Variants in ARK2N observed in about 807,000 individuals in gnomAD.
The protein encoded by ARK2N is arkadia (RNF111) N-terminal like PKA signaling regulator 2N.
the ARK2N span, chr18:46,240,204 C>G: frequency 6.2e-7 from 1 of 1,613,568 alleles, no homozygotes; most frequent in Non-Finnish European, 8.5e-7. Context: ...CTTCCCCATC[C>G]CCCTTCTCTA....
At chr18:46,239,760 G>GTCT in the ARK2N span, among the ~76,000 whole-genome samples, 1 of 152,016 alleles carries the variant, frequency 6.6e-6, no homozygotes, top group Non-Finnish European at 1.5e-5. Flanking sequence ...GTTGAGTATA[G>GTCT]TCTTGTCTTC....
chr18:46,192,093 T>C, the ARK2N span, among the ~76,000 whole-genome samples: 1 of 152,198 alleles, frequency 6.6e-6, no homozygotes, highest in Non-Finnish European at 1.5e-5. Flanking sequence ...TATGTTTGCT[T>C]CCAGTTGGTT....
chr18:46,240,212 C>CT, the ARK2N span: 1 of 1,612,682 alleles, frequency 6.2e-7, no homozygotes, highest in East Asian at 2.2e-5. Context: ...TCCCCCTTCT[C>CT]TAACGGTGTA....
At chr18:46,182,130 T>C in the ARK2N span, among the ~76,000 whole-genome samples, 2 of 152,198 alleles carry the variant, frequency 1.3e-5, no homozygotes, top group African/African-American at 4.8e-5. Flanking sequence ...CAGGATTGTT[T>C]TTCTTTCTGT....
At chr18:46,253,574 T>C in the ARK2N span, 5 of 1,224,654 alleles carry the variant, frequency 4.1e-6, no homozygotes, top group Non-Finnish European at 4.5e-6. Flanking sequence ...TGTGGCAAGC[T>C]CTCACAGGGT....
chr18:46,185,634 A>G, the ARK2N span, among the ~76,000 whole-genome samples: 2 of 152,176 alleles, frequency 1.3e-5, no homozygotes, highest in Non-Finnish European at 2.9e-5. Flanking sequence ...ATCTTCATGC[A>G]TTGCAATTTG....
the ARK2N span, among the ~76,000 whole-genome samples, chr18:46,203,733 T>C: frequency 2.0e-5 from 3 of 152,210 alleles, no homozygotes; most frequent in East Asian, 3.9e-4. Flanking sequence ...ATTATAGGCA[T>C]GCACTACCAT....
chr18:46,263,127 C>T, the ARK2N span: 1 of 1,592,096 alleles, frequency 6.3e-7, no homozygotes, highest in Non-Finnish European at 8.6e-7. Context: ...AATACAATGT[C>T]ACTGTGTTTC....
At chr18:46,258,672 G>T in the ARK2N span, among the ~76,000 whole-genome samples, 1 of 152,156 alleles carries the variant, frequency 6.6e-6, no homozygotes, top group Non-Finnish European at 1.5e-5. Context: ...CACTTTGTGA[G>T]AACAAAGCCT....
At chr18:46,234,930 T>C in the ARK2N span, among the ~76,000 whole-genome samples, 1 of 152,234 alleles carries the variant, frequency 6.6e-6, no homozygotes, top group African/African-American at 2.4e-5. Flanking sequence ...TGTATATTAC[T>C]ATGGCTGCAT....
At chr18:46,221,685 C>T in the ARK2N span, among the ~76,000 whole-genome samples, 14 of 151,824 alleles carry the variant, frequency 9.2e-5, no homozygotes, top group African/African-American at 1.5e-4. Context: ...TTTCTTCTGA[C>T]GTGTTTTTTC....
chr18:46,256,044 T>C, the ARK2N span, among the ~76,000 whole-genome samples: 135 of 152,328 alleles, frequency 8.9e-4, no homozygotes, highest in African/African-American at 3.2e-3. Flanking sequence ...TCTAGACTAT[T>C]GTATTTTTAA....
chr18:46,176,162 T>G, the ARK2N span, among the ~76,000 whole-genome samples: 2 of 152,206 alleles, frequency 1.3e-5, no homozygotes, highest in African/African-American at 4.8e-5. Context: ...ACTAGTAAAT[T>G]CTGTGCGCTT....
chr18:46,209,895 A>G, the ARK2N span, among the ~76,000 whole-genome samples: 1 of 152,246 alleles, frequency 6.6e-6, no homozygotes, highest in South Asian at 2.1e-4. Flanking sequence ...TGCCTGGCCA[A>G]CAAACTGTTT....
the ARK2N span, among the ~76,000 whole-genome samples, chr18:46,234,738 G>A: frequency 6.6e-6 from 1 of 152,076 alleles, no homozygotes; most frequent in Non-Finnish European, 1.5e-5. Context: ...TAAGTATGAT[G>A]TTTACCCCTT....
chr18:46,255,984 A>G, the ARK2N span, among the ~76,000 whole-genome samples: 1 of 152,076 alleles, frequency 6.6e-6, no homozygotes, highest in East Asian at 1.9e-4. Context: ...TTATTTCACC[A>G]TTGTTGCTTA....
At chr18:46,246,711 G>A in the ARK2N span, among the ~76,000 whole-genome samples, 1 of 136,902 alleles carries the variant, frequency 7.3e-6, no homozygotes, top group African/African-American at 2.7e-5. Flanking sequence ...GGGAGGCCGA[G>A]GCGGGTAGAT....
chr18:46,187,565 C>T, the ARK2N span, among the ~76,000 whole-genome samples: 2 of 152,098 alleles, frequency 1.3e-5, no homozygotes, highest in Admixed American at 1.3e-4. Flanking sequence ...TGGTCTTGAA[C>T]TCCCTACCTC....
the ARK2N span, among the ~76,000 whole-genome samples, chr18:46,240,831 T>C: frequency 6.6e-6 from 1 of 152,242 alleles, no homozygotes; most frequent in Non-Finnish European, 1.5e-5. Context: ...TGAAAAACTT[T>C]CACAATACCT....
Sources: allele counts gnomAD v4.1 joint callset (sites outside exome capture counted in the v4.1 genomes callset), GRCh38; gene constraint gnomAD v4.1.1; transcripts MANE v1.5; gene names NCBI Gene and HGNC (gene_info 2026-07-23, HGNC 2026-07-21).